Variants in AK7 observed in about 807,000 individuals in gnomAD.
AK7 encodes adenylate kinase 7, also known as ATP-AMP transphosphorylase 7.
A neutral mutation model predicts 96.6 loss-of-function variants in AK7; 78 were observed. The ratio of observed to expected loss-of-function variants is 0.81; its 90% CI spans 0.67 to 0.97. AK7 has a LOEUF of 0.97. AK7 is among the 50% of genes least tolerant of loss of function. The pLI, the probability that AK7 is intolerant of heterozygous loss-of-function variation, is 0.00. For synonymous variants in AK7, 302 were observed against 317.2 expected, an observed-to-expected ratio of 0.95 and a Z score of 0.51; for missense variants, 855 against 887.9, an observed-to-expected ratio of 0.96 and a Z score of 0.47.
chr14:96,488,128 G>A (rs1895876203), intron 17 of AK7, 177 bp from the exon 18 acceptor site: 1 of 496,074 alleles, frequency 2.0e-6, no homozygotes, highest in Non-Finnish European at 3.8e-6. Flanking sequence ...GACCAGGCTG[G>A]TCTCGAACTC....
chr14:96,397,743 G>T (rs749128875), intron 1 of AK7, among the ~76,000 whole-genome samples: 2 of 152,160 alleles, frequency 1.3e-5, no homozygotes, highest in Non-Finnish European at 2.9e-5. Context: ...AACCTATGTG[G>T]CTCCTATTAC....
intron 4 of AK7, among the ~76,000 whole-genome samples, chr14:96,413,287 C>A (rs576533683): frequency 1.9e-4 from 29 of 152,340 alleles, no homozygotes; most frequent in African/African-American, 6.3e-4. Flanking sequence ...CCCACCTGCC[C>A]CTCCAGAGCC....
intron 14 of AK7, among the ~76,000 whole-genome samples, chr14:96,474,835 A>T (rs1895089322): frequency 6.6e-6 from 1 of 152,204 alleles, no homozygotes; most frequent in African/African-American, 2.4e-5. Context: ...GGTCGTGCAC[A>T]ATTTGTCATG....
intron 5 of AK7, chr14:96,421,631 AGTCTCGCTCT>A: frequency 7.2e-6 from 1 of 139,516 alleles, no homozygotes. Flanking sequence ...TTTGAGATGG[AGTCTCGCTCT>A]GTCACCCAGG....
At chr14:96,430,379 G>C (rs973524193) in intron 5 of AK7, among the ~76,000 whole-genome samples, 1 of 151,926 alleles carries the variant, frequency 6.6e-6, no homozygotes, top group Non-Finnish European at 1.5e-5. Context: ...TAGAGACGGG[G>C]TTTCACTGTG....
At chr14:96,405,967 A>G (rs1428712985) in intron 3 of AK7, among the ~76,000 whole-genome samples, 1 of 151,932 alleles carries the variant, frequency 6.6e-6, no homozygotes, top group African/African-American at 2.4e-5. Context: ...AGTGTAATGA[A>G]CTGTAATGTA....
At chr14:96,468,832 T>A (rs1007086951) in intron 12 of AK7, among the ~76,000 whole-genome samples, 1 of 148,460 alleles carries the variant, frequency 6.7e-6, no homozygotes, top group Admixed American at 6.7e-5. Context: ...TACATTTAAT[T>A]TTTTTTTTTT....
intron 1 of AK7, among the ~76,000 whole-genome samples, chr14:96,396,847 C>A (rs1288626879): frequency 2.6e-5 from 4 of 152,236 alleles, no homozygotes; most frequent in African/African-American, 9.6e-5. Flanking sequence ...TAGCCACTGG[C>A]CACATGTAGC....
intron 1 of AK7, among the ~76,000 whole-genome samples, chr14:96,393,563 G>T (rs1889878892): frequency 1.3e-5 from 2 of 152,066 alleles, no homozygotes; most frequent in Non-Finnish European, 2.9e-5. Flanking sequence ...GCACCCCTTG[G>T]CAGTAGACTC....
chr14:96,401,752 C>A (rs1890422964), intron 2 of AK7, among the ~76,000 whole-genome samples: 2 of 152,198 alleles, frequency 1.3e-5, no homozygotes, highest in African/African-American at 4.8e-5. Context: ...GTGCCTCTAC[C>A]TGGCTCAACA....
In AK7 at chr14:96,487,057, G is replaced by A; in HGVS notation, c.2133+1G>A. On this transcript the variant is annotated splice_donor_variant, in intron 17 of 17. Coordinates refer to ENST00000267584, the MANE Select transcript of AK7 (RefSeq NM_152327.5). LOFTEE classifies it high-confidence loss of function. ...ACCCGAAGACCCTGTTGATTTTCTG[G>A]TAACATATTTAATTTTTAAAAAAAG... 6.2e-7 allele frequency: 1 copy of A among 1,613,720 alleles called. No individual in the cohort carries two copies. The highest frequency in any genetic ancestry group is 1.3e-5 in the African/African-American group (1 of 74,944).
intron 5 of AK7, among the ~76,000 whole-genome samples, chr14:96,433,102 A>G (rs966206775): frequency 1.3e-5 from 2 of 151,948 alleles, no homozygotes; most frequent in Non-Finnish European, 2.9e-5. Flanking sequence ...TGCCCTTAAC[A>G]TTTTTTCCTT....
At chr14:96,485,057 A>G (rs1323696986) in intron 16 of AK7, among the ~76,000 whole-genome samples, 1 of 152,236 alleles carries the variant, frequency 6.6e-6, no homozygotes, top group Non-Finnish European at 1.5e-5. Flanking sequence ...GTTTTGATAC[A>G]TATTTAAAAA....
intron 2 of AK7, among the ~76,000 whole-genome samples, chr14:96,402,316 A>G (rs1341487737): frequency 6.6e-6 from 1 of 152,138 alleles, no homozygotes; most frequent in African/African-American, 2.4e-5. Context: ...TGAACAAATG[A>G]ATGCACAAAA....
At chr14:96,440,867 A>G (rs8015305) in intron 6 of AK7, among the ~76,000 whole-genome samples, 2 of 152,144 alleles carry the variant, frequency 1.3e-5, no homozygotes, top group Non-Finnish European at 2.9e-5. Context: ...TTTTTTAAAG[A>G]TGTGGGTAAG....
intron 12 of AK7, among the ~76,000 whole-genome samples, chr14:96,471,220 T>C (rs1251977125): frequency 1.3e-5 from 2 of 151,260 alleles, no homozygotes; most frequent in African/African-American, 4.9e-5. Context: ...TAGTCCCAGC[T>C]ACTTGGGAGG....
rs1190329878 is a variant in AK7 at position 96,489,110 on chromosome 14, G to A, written c.*767G>A. Reference sequence around the variant, plus strand: ...ATGAGAAATTAGTTTAGGTTTAATGGCATATGTATTTTATCTCTTTAAATA... The same window carrying A: ...ATGAGAAATTAGTTTAGGTTTAATGACATATGTATTTTATCTCTTTAAATA... On this transcript the variant is annotated 3_prime_UTR_variant, in exon 18 of 18. Coordinates refer to ENST00000267584, the MANE Select transcript of AK7 (RefSeq NM_152327.5). 1 of 152,050 alleles carries A rather than the reference G, an allele frequency of 6.6e-6. No individual in the cohort carries two copies. The highest frequency in any genetic ancestry group is 1.5e-5 in the Non-Finnish European group (1 of 68,010). 9.4% of individuals were successfully genotyped at this position (152,050 alleles called of 1,614,324 possible).
chr14:96,469,394 G>A (rs556963064), intron 12 of AK7, among the ~76,000 whole-genome samples: 8 of 151,990 alleles, frequency 5.3e-5, no homozygotes, highest in South Asian at 4.2e-4. Context: ...GCGTAGTGGT[G>A]CACACCTGTA....
chr14:96,395,422 G>A (rs1890009607), intron 1 of AK7, among the ~76,000 whole-genome samples: 1 of 152,126 alleles, frequency 6.6e-6, no homozygotes, highest in Non-Finnish European at 1.5e-5. Flanking sequence ...AAGAAGAGGG[G>A]CTGGTCTCAG....
Sources: allele counts gnomAD v4.1 joint callset (sites outside exome capture counted in the v4.1 genomes callset), GRCh38; gene constraint gnomAD v4.1.1; transcripts MANE v1.5; gene names NCBI Gene and HGNC (gene_info 2026-07-23, HGNC 2026-07-21).